Variants in DIAPH3 observed in about 807,000 individuals in gnomAD.
The protein encoded by DIAPH3 is diaphanous related formin 3.
A neutral mutation model predicts 144.3 loss-of-function variants in DIAPH3; 117 were observed. The observed-to-expected ratio is 0.81, with a 90% CI of 0.70 to 0.95. The LOEUF (loss-of-function observed/expected upper bound fraction) is 0.95. DIAPH3 is among the 40% of genes least tolerant of loss of function. DIAPH3 has a pLI of 0.00. For missense variants in DIAPH3, 1,421 were observed against 1,412.7 expected, an observed-to-expected ratio of 1.01 and a Z score of -0.09; for synonymous variants, 519 against 488.9, an observed-to-expected ratio of 1.06 and a Z score of -0.81.
intron 4 of DIAPH3, among the ~76,000 whole-genome samples, chr13:60,049,275 T>C (rs1291128194): frequency 1.3e-5 from 2 of 152,160 alleles, no homozygotes; most frequent in Non-Finnish European, 2.9e-5. Context: ...ATTTGGTGTG[T>C]TTGGCTGGAG....
In DIAPH3 at chr13:59,955,099, T is replaced by G. The variant is rs148857178; in HGVS notation, c.2074+14845A>C. On this transcript the variant is annotated intron_variant, in intron 17 of 27. Transcript: ENST00000400324. ...ATACATGTATATATATATATACATG[T>G]ATATATACACACACACTTTTATATA... is the stretch of plus-strand genomic sequence containing the variant. Among the ~76,000 whole-genome samples the G allele has an allele frequency of 8.3e-3, 1,254 of 151,410 alleles. 56 individuals are homozygous for G. Among genetic ancestry groups the G allele is most frequent in the Admixed American group, 0.069 (1,047 of 15,146 alleles).
chr13:59,975,036 A>G (rs1257857078), intron 14 of DIAPH3, among the ~76,000 whole-genome samples: 1 of 152,018 alleles, frequency 6.6e-6, no homozygotes, highest in Non-Finnish European at 1.5e-5. Context: ...TCTGGAAAAA[A>G]AAGGAAACAA....
At chr13:59,782,179 CA>C (rs1221274032) in intron 25 of DIAPH3, among the ~76,000 whole-genome samples, 1 of 151,436 alleles carries the variant, frequency 6.6e-6, no homozygotes, top group African/African-American at 2.4e-5. Flanking sequence ...ATAAAGAAAA[CA>C]AAGTATATTT....
In DIAPH3 at chr13:59,965,237, GA is replaced by G. The variant is rs2049982699; in HGVS notation, c.2074+4706del. On this transcript the variant is annotated intron_variant, in intron 17 of 27. Transcript: ENST00000400324. ...CCATATGCCATAACTATTCAGTTGA[GA>G]AATAATTTATAAACCAATTTATGGG... is the stretch of plus-strand genomic sequence containing the variant. Among the ~76,000 whole-genome samples, 6 of 152,168 alleles carry G rather than the reference GA, an allele frequency of 3.9e-5. 1 individual carries two copies. In the South Asian group the frequency reaches 1.2e-3, roughly 32 times the overall value.
At chr13:59,835,881 T>C (rs1159575727) in intron 23 of DIAPH3, among the ~76,000 whole-genome samples, 1 of 151,854 alleles carries the variant, frequency 6.6e-6, no homozygotes, top group East Asian at 1.9e-4. Context: ...TAGATATAAG[T>C]AAATCTTTCT....
At chr13:60,055,401 T>C (rs1298800961) in intron 4 of DIAPH3, among the ~76,000 whole-genome samples, 1 of 151,914 alleles carries the variant, frequency 6.6e-6, no homozygotes. Flanking sequence ...TTAGACTATT[T>C]TACATATTTA....
intron 27 of DIAPH3, among the ~76,000 whole-genome samples, chr13:59,701,858 T>C (rs2034128683): frequency 6.6e-6 from 1 of 152,228 alleles, no homozygotes; most frequent in Non-Finnish European, 1.5e-5. Context: ...AGGTCTTCCC[T>C]GGGCAGCGCT....
Position 59,833,246 on chromosome 13 carries a change from T to C in DIAPH3, c.2888A>G (p.Gln963Arg). ...GTGTAACTTCGAAAGTGTCTCATATTGTTCTTTTGCACTGATAACAAATCT... is the reference window on the plus strand; with the variant it reads ...GTGTAACTTCGAAAGTGTCTCATATCGTTCTTTTGCACTGATAACAAATCT... ...MSRFVISAKE[Q>R]YETLSKLHEN... The change falls in exon 24 of 28, where the codon CAA becomes CGA. Residue 963 changes from glutamine to arginine, a missense_variant. By Grantham distance (43) the Gln-to-Arg change is conservative. Coordinates refer to ENST00000400324, the MANE Select transcript of DIAPH3 (RefSeq NM_001042517.2). 6.2e-7 allele frequency: 1 copy of C among 1,609,212 alleles called. No homozygotes were observed. The highest frequency in any genetic ancestry group is 8.5e-7 in the Non-Finnish European group (1 of 1,177,058).
At chr13:60,039,475 T>C (rs770968729) in intron 5 of DIAPH3, among the ~76,000 whole-genome samples, 1 of 152,098 alleles carries the variant, frequency 6.6e-6, no homozygotes, top group Non-Finnish European at 1.5e-5. Context: ...AGATAATTTT[T>C]GTATTTTTAG....
intron 25 of DIAPH3, among the ~76,000 whole-genome samples, chr13:59,790,152 C>T (rs2039252817): frequency 6.6e-6 from 1 of 152,148 alleles, no homozygotes; most frequent in Non-Finnish European, 1.5e-5. Flanking sequence ...TAATGACTAC[C>T]TGTATGACGA....
intron 27 of DIAPH3, among the ~76,000 whole-genome samples, chr13:59,697,912 T>C (rs1360821250): frequency 6.6e-6 from 1 of 152,264 alleles, no homozygotes; most frequent in African/African-American, 2.4e-5. Context: ...TAATTATGCT[T>C]TCATTTTAAG....
chr13:59,715,933 T>A (rs1324899097), intron 27 of DIAPH3, among the ~76,000 whole-genome samples: 2 of 152,182 alleles, frequency 1.3e-5, no homozygotes, highest in East Asian at 3.9e-4. Context: ...CTAAGGATAA[T>A]CCTTTACAGA....
chr13:59,844,636 C>T (rs892417412), intron 22 of DIAPH3, among the ~76,000 whole-genome samples: 2 of 152,046 alleles, frequency 1.3e-5, no homozygotes, highest in African/African-American at 4.8e-5. Context: ...ATCTTTCAAT[C>T]TTCTCACCAA....
intron 27 of DIAPH3, among the ~76,000 whole-genome samples, chr13:59,739,669 ATAAAG>A (rs1031234577): frequency 1.6e-4 from 25 of 152,300 alleles, no homozygotes; most frequent in African/African-American, 6.0e-4. Flanking sequence ...GAGATTAAAC[ATAAAG>A]TAAATATCAA....
At chr13:59,938,210 C>G (rs375671247) in intron 17 of DIAPH3, among the ~76,000 whole-genome samples, 6 of 152,256 alleles carry the variant, frequency 3.9e-5, no homozygotes, top group Admixed American at 2.6e-4. Flanking sequence ...TCTGTCCCCA[C>G]AATCTCCTGA....
intron 18 of DIAPH3, among the ~76,000 whole-genome samples, chr13:59,918,209 A>G (rs77650989): frequency 9.6e-6 from 1 of 103,984 alleles, no homozygotes; most frequent in Non-Finnish European, 1.8e-5. Context: ...GCAGCACAGG[A>G]AAAAAAAAAA....
chr13:60,118,764 C>T (rs570628520), intron 2 of DIAPH3, among the ~76,000 whole-genome samples: 1 of 152,266 alleles, frequency 6.6e-6, no homozygotes, highest in South Asian at 2.1e-4. Flanking sequence ...CTACTTAAAC[C>T]TTCCATGATG....
At chr13:60,128,262 A>G (rs1157045201) in intron 2 of DIAPH3, among the ~76,000 whole-genome samples, 1 of 152,282 alleles carries the variant, frequency 6.6e-6, no homozygotes, top group Non-Finnish European at 1.5e-5. Context: ...ATGGCTGCAT[A>G]GTATTGCATG....
intron 3 of DIAPH3, among the ~76,000 whole-genome samples, chr13:60,096,428 T>C (rs1405601053): frequency 6.6e-6 from 1 of 152,222 alleles, no homozygotes; most frequent in Non-Finnish European, 1.5e-5. Context: ...CACCAGTTCA[T>C]ACAAAAAAGT....
Sources: gnomAD v4.1 joint callset for allele counts (sites outside exome capture counted in the v4.1 genomes callset) on GRCh38, gnomAD v4.1.1 for gene constraint, MANE v1.5 for transcripts, NCBI Gene and HGNC (gene_info 2026-07-23, HGNC 2026-07-21) for gene names.